The following ROBO1 variants were observed in gnomAD, a reference collection of about 807,000 sequenced individuals.
ROBO1 encodes the protein roundabout guidance receptor 1.
In ROBO1, 149 loss-of-function variants were observed where a neutral mutation model predicts 195.9. That is an observed-to-expected ratio of 0.76 (90% CI 0.67 to 0.87). The LOEUF is 0.87. Among genes scored for constraint, ROBO1 ranks in the 40% least tolerant of loss-of-function variants. The pLI is 0.00. For synonymous variants in ROBO1, 816 were observed against 733.2 expected, an observed-to-expected ratio of 1.11 and a Z score of -1.82; for missense variants, 1,933 against 2,068.3, an observed-to-expected ratio of 0.93 and a Z score of 1.27.
intron 2 of ROBO1, among the ~76,000 whole-genome samples, chr3:79,260,449 T>C (rs1401039186): frequency 2.0e-5 from 3 of 152,086 alleles, no homozygotes; most frequent in Non-Finnish European, 4.4e-5. Flanking sequence ...TTATGAAAAA[T>C]AAAATTTTCT....
At chr3:78,862,497 A>G (rs951937263) in intron 4 of ROBO1, among the ~76,000 whole-genome samples, 2 of 152,152 alleles carry the variant, frequency 1.3e-5, no homozygotes, top group Admixed American at 1.3e-4. Context: ...TGACCTACAT[A>G]AATTGTAAGA....
At chr3:79,310,879 A>T (rs922615899) in intron 2 of ROBO1, among the ~76,000 whole-genome samples, 1 of 152,246 alleles carries the variant, frequency 6.6e-6, no homozygotes, top group African/African-American at 2.4e-5. Context: ...AAGTGTTATC[A>T]ATTTCATTAA....
At chr3:79,226,063 T>C (rs2108839141) in intron 2 of ROBO1, among the ~76,000 whole-genome samples, 1 of 152,216 alleles carries the variant, frequency 6.6e-6, no homozygotes, top group Middle Eastern at 3.4e-3. Flanking sequence ...AAGAAAACCA[T>C]TTTTTTAACC....
chr3:78,844,188 A>C (rs2033489549), intron 4 of ROBO1, among the ~76,000 whole-genome samples: 1 of 152,172 alleles, frequency 6.6e-6, no homozygotes, highest in African/African-American at 2.4e-5. Flanking sequence ...CTATGAAGGA[A>C]ATACATATTT....
intron 2 of ROBO1, among the ~76,000 whole-genome samples, chr3:79,490,766 G>A (rs1441514566): frequency 6.6e-6 from 1 of 152,176 alleles, no homozygotes; most frequent in Non-Finnish European, 1.5e-5. Flanking sequence ...GATTGGCCTT[G>A]TGCTTATGCA....
intron 4 of ROBO1, among the ~76,000 whole-genome samples, chr3:78,913,343 T>C (rs531690791): frequency 1.3e-5 from 2 of 152,248 alleles, no homozygotes; most frequent in South Asian, 2.1e-4. Flanking sequence ...ATTTACATTA[T>C]GTATCGCAGT....
At chr3:79,009,338 A>T (rs1014076726) in intron 3 of ROBO1, among the ~76,000 whole-genome samples, 4 of 152,050 alleles carry the variant, frequency 2.6e-5, no homozygotes, top group Admixed American at 2.0e-4. Context: ...TACTGTTTTG[A>T]TTAGTGGTAT....
At chr3:78,620,372 T>C (rs969205903) in intron 26 of ROBO1, among the ~76,000 whole-genome samples, 2 of 151,772 alleles carry the variant, frequency 1.3e-5, no homozygotes, top group African/African-American at 4.8e-5. Context: ...ATTAGCCGGG[T>C]GTGGTGGCAG....
chr3:79,114,789 A>G (rs1353036751), intron 3 of ROBO1, among the ~76,000 whole-genome samples: 1 of 152,146 alleles, frequency 6.6e-6, no homozygotes, highest in Non-Finnish European at 1.5e-5. Flanking sequence ...GAAGAAACAT[A>G]TTCCACATCT....
At chr3:78,685,951 A>G (rs766742213) in intron 9 of ROBO1, 34 bp from the exon 10 acceptor site, 3 of 1,498,330 alleles carry the variant, frequency 2.0e-6, no homozygotes, top group Non-Finnish European at 1.8e-6. Context: ...AGGAAAATAA[A>G]AATAGGTTAA....
At chr3:79,183,600 A>C (rs1010500624) in intron 2 of ROBO1, among the ~76,000 whole-genome samples, 1 of 152,216 alleles carries the variant, frequency 6.6e-6, no homozygotes. Context: ...GCAGTAGAAG[A>C]AAAAAATAGA....
intron 2 of ROBO1, among the ~76,000 whole-genome samples, chr3:79,251,731 C>G (rs1486362075): frequency 6.6e-6 from 1 of 152,078 alleles, no homozygotes; most frequent in Non-Finnish European, 1.5e-5. Flanking sequence ...GCCTGGGTGA[C>G]AGAGCGATAA....
chr3:78,945,950 G>T (rs113068398), intron 3 of ROBO1, among the ~76,000 whole-genome samples: 14,745 of 151,220 alleles, frequency 0.098, 1,681 homozygotes, highest in African/African-American at 0.29. Flanking sequence ...GAAATGAAGC[G>T]AGAAGAGAAG....
intron 8 of ROBO1, among the ~76,000 whole-genome samples, chr3:78,704,512 A>C (rs2081499950): frequency 6.6e-6 from 1 of 152,034 alleles, no homozygotes; most frequent in African/African-American, 2.4e-5. Flanking sequence ...TAAAGTCTAC[A>C]GTAAGCTATA....
chr3:79,442,246 A>C (rs2039080979), intron 2 of ROBO1, among the ~76,000 whole-genome samples: 1 of 152,096 alleles, frequency 6.6e-6, no homozygotes, highest in Non-Finnish European at 1.5e-5. Flanking sequence ...GTTTTGGTGG[A>C]ATATTATCAG....
intron 2 of ROBO1, among the ~76,000 whole-genome samples, chr3:79,526,284 T>C (rs1323783833): frequency 6.6e-6 from 1 of 152,236 alleles, no homozygotes; most frequent in African/African-American, 2.4e-5. Flanking sequence ...ATATTCTTTA[T>C]AGATTTTGCT....
At chr3:79,040,032 G>A (rs2078456103) in intron 3 of ROBO1, among the ~76,000 whole-genome samples, 1 of 151,950 alleles carries the variant, frequency 6.6e-6, no homozygotes, top group Non-Finnish European at 1.5e-5. Context: ...CTGACCTATA[G>A]ACAATTTAAG....
intron 4 of ROBO1, among the ~76,000 whole-genome samples, chr3:78,772,613 T>G (rs894969816): frequency 1.3e-5 from 2 of 152,082 alleles, no homozygotes; most frequent in African/African-American, 4.8e-5. Flanking sequence ...TAATATATTG[T>G]ACTAAATATC....
At chr3:79,372,888 A>C (rs2036251060) in intron 2 of ROBO1, among the ~76,000 whole-genome samples, 1 of 147,750 alleles carries the variant, frequency 6.8e-6, no homozygotes, top group Admixed American at 6.8e-5. Context: ...AAAAACTAGT[A>C]TTTTTTTTTT....
Sources: gnomAD v4.1 joint callset for allele counts (sites outside exome capture counted in the v4.1 genomes callset) on GRCh38, gnomAD v4.1.1 for gene constraint, MANE v1.5 for transcripts, NCBI Gene and HGNC (gene_info 2026-07-23, HGNC 2026-07-21) for gene names.